Variants in SORT1 observed in about 807,000 individuals in gnomAD.
The protein encoded by SORT1 is sortilin.
In SORT1, 39 loss-of-function variants were observed where a neutral mutation model predicts 101.7. The ratio of observed to expected loss-of-function variants is 0.38; its 90% CI spans 0.30 to 0.50. The LOEUF is 0.50. Ranked by LOEUF, SORT1 falls within the 20% of genes least tolerant of loss-of-function variation. The pLI, the probability that SORT1 is intolerant of heterozygous loss-of-function variation, is 0.90. For synonymous variants in SORT1, 396 were observed against 393.7 expected, an observed-to-expected ratio of 1.01 and a Z score of -0.07; for missense variants, 878 against 1,040.4, an observed-to-expected ratio of 0.84 and a Z score of 2.15.
At chr1:109,336,699 C>T (rs986174069) in intron 10 of SORT1, among the ~76,000 whole-genome samples, 1 of 151,684 alleles carries the variant, frequency 6.6e-6, no homozygotes, top group Non-Finnish European at 1.5e-5. Context: ...ATCCCAGCTA[C>T]TCGGGAGGCC....
At chr1:109,365,279 A>G (rs1201555481) in intron 3 of SORT1, among the ~76,000 whole-genome samples, 1 of 152,200 alleles carries the variant, frequency 6.6e-6, no homozygotes, top group African/African-American at 2.4e-5. Flanking sequence ...CCTGGAGTGC[A>G]GTGATGTGAT....
intron 17 of SORT1, among the ~76,000 whole-genome samples, chr1:109,315,732 G>C (rs996889878): frequency 2.7e-5 from 4 of 150,246 alleles, no homozygotes; most frequent in Admixed American, 2.0e-4. Context: ...TACAGATTTG[G>C]ATGCAGCCTC....
chr1:109,333,530 T>C (rs1027353856), intron 11 of SORT1, among the ~76,000 whole-genome samples: 3 of 152,090 alleles, frequency 2.0e-5, no homozygotes, highest in African/African-American at 7.2e-5. Flanking sequence ...TATAAGGGGT[T>C]AATATCCAAA....
At chr1:109,383,653 G>A (rs1462808391) in intron 1 of SORT1, among the ~76,000 whole-genome samples, 1 of 152,146 alleles carries the variant, frequency 6.6e-6, no homozygotes, top group Non-Finnish European at 1.5e-5. Flanking sequence ...CCAAACTCCA[G>A]TGAGGCCTAG....
intron 1 of SORT1, among the ~76,000 whole-genome samples, chr1:109,386,602 T>C (rs756707788): frequency 4.6e-5 from 7 of 151,928 alleles, no homozygotes; most frequent in Non-Finnish European, 8.8e-5. Flanking sequence ...CCTATACTCC[T>C]AGCACTTTGG....
At chr1:109,373,135 A>T (rs1651598001) in intron 1 of SORT1, among the ~76,000 whole-genome samples, 1 of 152,204 alleles carries the variant, frequency 6.6e-6, no homozygotes, top group South Asian at 2.1e-4. Flanking sequence ...GACACCAGGC[A>T]CAAAGGACGA....
At chr1:109,325,234 T>A in intron 13 of SORT1, 145 bp from the exon 14 acceptor site, 4 of 285,646 alleles carry the variant, frequency 1.4e-5, no homozygotes, top group South Asian at 9.5e-5. Context: ...ATTTTAACTT[T>A]TTTTTTTTTT....
chr1:109,346,835 G>C (rs1649640256), intron 7 of SORT1, among the ~76,000 whole-genome samples: 1 of 151,502 alleles, frequency 6.6e-6, no homozygotes, highest in South Asian at 2.1e-4. Context: ...AAATTGTCTT[G>C]AGTTTTCTTT....
intron 6 of SORT1, among the ~76,000 whole-genome samples, chr1:109,348,430 T>C (rs1374499364): frequency 1.3e-5 from 2 of 152,104 alleles, no homozygotes; most frequent in African/African-American, 4.8e-5. Context: ...GTAAAAACCT[T>C]GCATAGGATA....
At chr1:109,319,910 G>GC (rs1647509842) in intron 15 of SORT1, among the ~76,000 whole-genome samples, 1 of 151,530 alleles carries the variant, frequency 6.6e-6, no homozygotes, top group Non-Finnish European at 1.5e-5. Context: ...TGTCTGCAGT[G>GC]CCCCTAAGGC....
intron 10 of SORT1, among the ~76,000 whole-genome samples, chr1:109,337,720 C>T (rs1024214505): frequency 2.6e-5 from 4 of 151,816 alleles, no homozygotes; most frequent in East Asian, 1.9e-4. Context: ...CTCTGCCTCC[C>T]GGGTTCAAGC....
At chr1:109,324,164 T>A (rs916923712) in intron 14 of SORT1, among the ~76,000 whole-genome samples, 7 of 151,966 alleles carry the variant, frequency 4.6e-5, no homozygotes, top group African/African-American at 1.7e-4. Context: ...GTCTTGCTCT[T>A]GTCGCCCAGG....
chr1:109,392,458 G>A, intron 1 of SORT1: 1 of 239,742 alleles, frequency 4.2e-6, no homozygotes, highest in Non-Finnish European at 6.8e-6. Flanking sequence ...ATCACAAAAA[G>A]AAAATAGCCA....
intron 2 of SORT1, 66 bp from the exon 3 acceptor site, chr1:109,367,547 G>C (rs569405525): frequency 2.9e-6 from 3 of 1,032,176 alleles, no homozygotes; most frequent in Non-Finnish European, 4.5e-6. Flanking sequence ...ATATGTGTTC[G>C]AGATTAAGCC....
intron 3 of SORT1, among the ~76,000 whole-genome samples, chr1:109,358,852 T>TAAA (rs745825760): frequency 2.3e-5 from 3 of 130,706 alleles, no homozygotes; most frequent in Admixed American, 7.7e-5. Context: ...GACTCCGTCT[T>TAAA]AAAAAAAAAA....
chr1:109,375,541 CA>C (rs57014091), intron 1 of SORT1, among the ~76,000 whole-genome samples: 4 of 71,084 alleles, frequency 5.6e-5, no homozygotes, highest in African/African-American at 1.2e-4. Context: ...GACTCCGTTT[CA>C]AAAAAAAAAA....
At chr1:109,377,883 C>T (rs1228522350) in intron 1 of SORT1, among the ~76,000 whole-genome samples, 1 of 151,934 alleles carries the variant, frequency 6.6e-6, no homozygotes, top group Non-Finnish European at 1.5e-5. Flanking sequence ...TTAATATCAC[C>T]ATCTAGTAAA....
Position 109,353,886 on chromosome 1 carries a change from C to T in SORT1, c.708+481G>A, listed in dbSNP as rs192737444. ...CTGGTCTCTGGGGAAAGTATAGGAACGTGGTAGGGAGCGCAGGGATTTAAG... is the reference window on the plus strand; with the variant it reads ...CTGGTCTCTGGGGAAAGTATAGGAATGTGGTAGGGAGCGCAGGGATTTAAG... On this transcript the variant is annotated intron_variant, in intron 5 of 19. Coordinates refer to ENST00000256637, the MANE Select transcript of SORT1 (RefSeq NM_002959.7). Among the ~76,000 whole-genome samples the T allele has an allele frequency of 5.3e-5, 8 of 152,048 alleles. No individual in the cohort carries two copies. The East Asian group carries it at 5.8e-4, about 11-fold the overall frequency.
At chr1:109,330,683 G>C (rs1044817269) in intron 11 of SORT1, among the ~76,000 whole-genome samples, 8 of 151,792 alleles carry the variant, frequency 5.3e-5, no homozygotes, top group Non-Finnish European at 1.2e-4. Context: ...ATGAAACTTA[G>C]AGTTGTTTTT....
Sources: allele counts gnomAD v4.1 joint callset (sites outside exome capture counted in the v4.1 genomes callset), GRCh38; gene constraint gnomAD v4.1.1; transcripts MANE v1.5; gene names NCBI Gene and HGNC (gene_info 2026-07-23, HGNC 2026-07-21).